Variants in EEPD1 observed in about 807,000 individuals in gnomAD.
EEPD1 encodes endonuclease/exonuclease/phosphatase family domain-containing protein 1.
A neutral mutation model predicts 46.3 loss-of-function variants in EEPD1; 17 were observed. The observed-to-expected ratio is 0.37, with a 90% CI of 0.25 to 0.55. The LOEUF (loss-of-function observed/expected upper bound fraction) is 0.55, where lower values mean the gene tolerates loss of function less well. Among genes scored for constraint, EEPD1 ranks in the 20% least tolerant of loss-of-function variants. EEPD1 has a pLI of 0.83. For missense variants in EEPD1, 673 were observed against 745.6 expected (o/e 0.90, Z 1.13); for synonymous variants, 313 against 315.6 (o/e 0.99, Z 0.09).
chr7:36,200,783 A>G (rs1251920911), intron 2 of EEPD1, among the ~76,000 whole-genome samples: 1 of 152,172 alleles, frequency 6.6e-6, no homozygotes, highest in Non-Finnish European at 1.5e-5. Context: ...CAAGTATCTC[A>G]TCTCCTGTCC....
Position 36,287,654 on chromosome 7 carries a change from C to T in EEPD1, c.1192C>T (p.Leu398=). ...TGCTGCCTAGGTGGGAAGTCACGACCTGACCCTTGTTAACCTTCACCTGGC... is the reference window on the plus strand; with the variant it reads ...TGCTGCCTAGGTGGGAAGTCACGACTTGACCCTTGTTAACCTTCACCTGGC... ...LGRFKVGSHD[L]TLVNLHLAAL... The change falls in exon 6 of 8, where the codon CTG becomes TTG. Residue 398 remains leucine, a synonymous_variant. Transcript: ENST00000242108. 3 of 1,614,022 alleles carry T rather than the reference C, an allele frequency of 1.9e-6. No individual in the cohort carries two copies. In the South Asian group the frequency reaches 3.3e-5, roughly 18 times the overall value.
At chr7:36,192,141 A>T (rs1449951690) in intron 2 of EEPD1, among the ~76,000 whole-genome samples, 1 of 152,270 alleles carries the variant, frequency 6.6e-6, no homozygotes, top group East Asian at 1.9e-4. Context: ...CTTTTCTAAA[A>T]GAGGAGCACA....
chr7:36,204,842 A>T (rs969228869), intron 2 of EEPD1, among the ~76,000 whole-genome samples: 6 of 152,150 alleles, frequency 3.9e-5, no homozygotes, highest in African/African-American at 1.4e-4. Flanking sequence ...GAGCCTTAGG[A>T]TAGTGTGGCA....
chr7:36,255,099 CTG>C (rs1194824376), intron 3 of EEPD1, among the ~76,000 whole-genome samples: 2 of 152,188 alleles, frequency 1.3e-5, no homozygotes, highest in African/African-American at 4.8e-5. Context: ...CCTGTTCACT[CTG>C]ATGATAGTTT....
intron 3 of EEPD1, among the ~76,000 whole-genome samples, chr7:36,250,794 C>T (rs954037275): frequency 6.6e-6 from 1 of 152,166 alleles, no homozygotes; most frequent in African/African-American, 2.4e-5. Context: ...CATTGAGTTT[C>T]CACATTCAGG....
chr7:36,254,204 T>C (rs1786794250), intron 3 of EEPD1, among the ~76,000 whole-genome samples: 1 of 152,186 alleles, frequency 6.6e-6, no homozygotes, highest in Admixed American at 6.5e-5. Flanking sequence ...TAGGTATACA[T>C]GTGCCATGGT....
chr7:36,166,460 C>T (rs1328284594), intron 2 of EEPD1, among the ~76,000 whole-genome samples: 1 of 152,112 alleles, frequency 6.6e-6, no homozygotes, highest in Non-Finnish European at 1.5e-5. Flanking sequence ...GTGGCTCATG[C>T]CTGTAATCCC....
At chr7:36,176,935 C>T (rs1785189238) in intron 2 of EEPD1, among the ~76,000 whole-genome samples, 1 of 152,140 alleles carries the variant, frequency 6.6e-6, no homozygotes, top group South Asian at 2.1e-4. Flanking sequence ...AATAATAAAT[C>T]CAAACATGAT....
rs1340139383 is a variant in EEPD1, at chr7:36,193,930, C to G, written c.878+38728C>G. Among the ~76,000 whole-genome samples the G allele has an allele frequency of 6.6e-6, 1 of 152,162 alleles. No homozygotes were observed. Among genetic ancestry groups the G allele is most frequent in the Non-Finnish European group, 1.5e-5 (1 of 68,016 alleles). Reference sequence around the variant, plus strand: ...TGTGAGCATCTTGAGAGTTCAGGAGCCTCTTATCCCCATTTGCATCCTCAG... The same window carrying G: ...TGTGAGCATCTTGAGAGTTCAGGAGGCTCTTATCCCCATTTGCATCCTCAG... On this transcript the variant is annotated intron_variant, in intron 2 of 7. Transcript: ENST00000242108. This position sits in a 1 kb window ranked among gnomAD's most constrained non-coding sequence, Gnocchi z 4.9.
In EEPD1 at chr7:36,173,492, C is replaced by T. The variant is rs549979202; in HGVS notation, c.878+18290C>T. Among the ~76,000 whole-genome samples the T allele has an allele frequency of 1.8e-3, 274 of 151,024 alleles. No individual in the cohort carries two copies. The Middle Eastern group carries it at 0.02, about 11-fold the overall frequency. On this transcript the variant is annotated intron_variant, in intron 2 of 7. Transcript: ENST00000242108. The stretch of plus-strand genomic sequence containing the variant: ...TCAGCCTGGCGACAGAGTGAGACTC[C>T]GTCTTAAAAAAAAAAAAAAGTGTTT...
chr7:36,260,679 T>C (rs1786907162), intron 3 of EEPD1, among the ~76,000 whole-genome samples: 1 of 152,260 alleles, frequency 6.6e-6, no homozygotes, highest in African/African-American at 2.4e-5. Flanking sequence ...CGTGATAGTC[T>C]AGAAAGATCA....
In EEPD1 at chr7:36,220,599, A is replaced by G. The variant is rs114763367; in HGVS notation, c.879-18386A>G. Among the ~76,000 whole-genome samples the G allele has an allele frequency of 9.8e-3, 1,495 of 152,246 alleles. 17 individuals carry two copies. The highest frequency in any genetic ancestry group is 0.034 in the African/African-American group (1,408 of 41,536). ...TGGCAAATGGCACTTTGCTCTTTCT[A>G]TTCATTTGGCCCCGTTGTCCTCATC... On this transcript the variant is annotated intron_variant, in intron 2 of 7. Transcript: ENST00000242108.
At chr7:36,156,636 A>G (rs1195680557) in intron 2 of EEPD1, among the ~76,000 whole-genome samples, 1 of 152,184 alleles carries the variant, frequency 6.6e-6, no homozygotes, top group African/African-American at 2.4e-5. Flanking sequence ...GATTAGGATC[A>G]AAAGTTGGTC....
At position 36,154,318 on chromosome 7, in the gene EEPD1, G is replaced by GC; in HGVS notation, c.-6dup. ...CGGCCTTCCCGGGAGCCTGATCCTG[G>GC]CGGACCATGGGGAGCACCCTGGGCT... On this transcript the variant is annotated 5_prime_UTR_variant, in exon 2 of 8. Transcript: ENST00000242108. This position sits in a 1 kb window ranked among gnomAD's most constrained non-coding sequence, Gnocchi z 4.2. The GC allele has an allele frequency of 2.5e-6, 4 of 1,604,078 alleles. No individual in the cohort carries two copies. The highest frequency in any genetic ancestry group is 3.4e-6 in the Non-Finnish European group (4 of 1,177,976).
intron 2 of EEPD1, among the ~76,000 whole-genome samples, chr7:36,204,824 TA>T (rs398004381): frequency 1.6e-4 from 25 of 152,022 alleles, no homozygotes; most frequent in African/African-American, 2.4e-5. Flanking sequence ...GTTTGTTTTT[TA>T]AAAAAAGAGC....
rs749074774 is a variant in EEPD1, at chr7:36,154,522, G to C, written c.198G>C (p.Glu66Asp). 5 of 1,614,216 alleles carry C rather than the reference G, an allele frequency of 3.1e-6. No individual in the cohort carries two copies. The South Asian group carries it at 5.5e-5, about 18-fold the overall frequency. The change falls in exon 2 of 8, where the codon GAG (glutamate) becomes GAC (aspartate). Residue 66 changes from glutamate to aspartate, a missense_variant. Physicochemically the swap from Glu to Asp is conservative, Grantham distance 45. Coordinates refer to ENST00000242108, the MANE Select transcript of EEPD1 (RefSeq NM_030636.3). This position sits in a 1 kb window ranked among gnomAD's most constrained non-coding sequence, Gnocchi z 4.2. ...GTGCCGTGGCACGCAGCATCGTGGA[G>C]TACCGAGAGTATATCGGTGGCTTCA... The part of the protein sequence containing the change: ...VTRAVARSIV[E>D]YREYIGGFKK...
chr7:36,281,662 A>G (rs1787263306), intron 4 of EEPD1, among the ~76,000 whole-genome samples: 1 of 152,236 alleles, frequency 6.6e-6, no homozygotes, highest in African/African-American at 2.4e-5. Flanking sequence ...TGTTCTATTG[A>G]AATGTTCAGC....
At chr7:36,243,267 C>A (rs196539) in intron 3 of EEPD1, among the ~76,000 whole-genome samples, 18,704 of 150,280 alleles carry the variant, frequency 0.12, 1,554 homozygotes, top group Non-Finnish European at 0.18. Flanking sequence ...CAGAAAGAAT[C>A]TATGAGTTGT....
chr7:36,193,983 G>C lies in EEPD1; in HGVS notation c.878+38781G>C, dbSNP rs985278985. ...CCCTGCAGGTCCCCACCAGTCCCAG[G>C]ACTTGCCGGTTCTGGGTTTATTTTG... On this transcript the variant is annotated intron_variant, in intron 2 of 7. Coordinates refer to ENST00000242108, the MANE Select transcript of EEPD1 (RefSeq NM_030636.3). The surrounding 1 kb of genome is among the most constrained non-coding windows in gnomAD (Gnocchi z 4.9). Among the ~76,000 whole-genome samples the C allele has an allele frequency of 6.6e-6, 1 of 152,174 alleles. No individual in the cohort carries two copies. Among genetic ancestry groups the C allele is most frequent in the African/African-American group, 2.4e-5 (1 of 41,442 alleles).
Sources: allele counts gnomAD v4.1 joint callset (sites outside exome capture counted in the v4.1 genomes callset), GRCh38; gene constraint gnomAD v4.1.1; non-coding constraint Gnocchi (gnomAD v3.1); transcripts MANE v1.5; gene names NCBI Gene and HGNC (gene_info 2026-07-23, HGNC 2026-07-21).